The following APP variants were observed in gnomAD, a reference collection of about 807,000 sequenced individuals.
APP encodes the protein amyloid beta precursor protein, also known as amyloid-beta precursor protein.
In APP, 31 loss-of-function variants were observed where a neutral mutation model predicts 101.4. The observed-to-expected ratio is 0.31, with a 90% CI of 0.23 to 0.41. The LOEUF is 0.41. APP is among the 10% of genes least tolerant of loss of function. The pLI, the probability that APP is intolerant of heterozygous loss-of-function variation, is 1.00. For missense variants in APP, 839 were observed against 1,003.7 expected (o/e 0.84, Z 2.22); for synonymous variants, 366 against 364.4 (o/e 1.00, Z -0.05).
intron 16 of APP, among the ~76,000 whole-genome samples, chr21:25,893,458 G>C (rs1007188709): frequency 6.6e-6 from 1 of 152,198 alleles, no homozygotes; most frequent in African/African-American, 2.4e-5. Flanking sequence ...GCAAAGAAAA[G>C]CTCTTGAAGG....
chr21:25,928,681 C>A (rs368834220), intron 13 of APP: 4 of 151,526 alleles, frequency 2.6e-5, no homozygotes, highest in Non-Finnish European at 5.9e-5. Context: ...CATCATATGC[C>A]CATTAATGTG....
chr21:26,105,780 C>T (rs754133547), intron 2 of APP, among the ~76,000 whole-genome samples: 13 of 152,136 alleles, frequency 8.5e-5, no homozygotes, highest in Non-Finnish European at 5.9e-5. Flanking sequence ...CAATACTCCC[C>T]AAAAAGCCAC....
intron 8 of APP, among the ~76,000 whole-genome samples, chr21:25,996,096 C>T (rs1225528652): frequency 6.6e-6 from 1 of 152,072 alleles, no homozygotes; most frequent in African/African-American, 2.4e-5. Flanking sequence ...GGATGGAATC[C>T]AAATTCAAAT....
chr21:26,006,959 A>G (rs1224928550), intron 6 of APP, among the ~76,000 whole-genome samples: 1 of 152,198 alleles, frequency 6.6e-6, no homozygotes, highest in Admixed American at 6.5e-5. Flanking sequence ...TGTGAAATAA[A>G]ACTATATTCC....
chr21:26,160,970 A>G (rs982578871), intron 1 of APP, among the ~76,000 whole-genome samples: 1 of 152,236 alleles, frequency 6.6e-6, no homozygotes, highest in Admixed American at 6.5e-5. Context: ...AAAAAAAAGA[A>G]TCTTATTTAA....
At chr21:26,165,877 T>C (rs2063597181) in intron 1 of APP, among the ~76,000 whole-genome samples, 1 of 152,196 alleles carries the variant, frequency 6.6e-6, no homozygotes, top group African/African-American at 2.4e-5. Flanking sequence ...AGCATCCCTG[T>C]TTCATAAAGC....
chr21:26,171,068 C>CT (rs2063735952), upstream of APP: 1 of 155,856 alleles, frequency 6.4e-6, no homozygotes. Context: ...TCCTAGGACG[C>CT]TGAGGCTCTA....
chr21:25,939,850 G>C (rs2040501979), intron 13 of APP, among the ~76,000 whole-genome samples: 1 of 151,838 alleles, frequency 6.6e-6, no homozygotes, highest in Non-Finnish European at 1.5e-5. Flanking sequence ...AGAATTTCTA[G>C]ACTTTATTTT....
chr21:25,956,200 C>G (rs751434304), intron 11 of APP, among the ~76,000 whole-genome samples: 5 of 152,114 alleles, frequency 3.3e-5, no homozygotes, highest in Non-Finnish European at 7.4e-5. Flanking sequence ...CATACGAAAT[C>G]AAAATGAGAA....
intron 6 of APP, among the ~76,000 whole-genome samples, chr21:26,017,422 AAAAAAAT>A (rs1269741031): frequency 1.3e-5 from 2 of 150,750 alleles, no homozygotes; most frequent in African/African-American, 2.4e-5. Flanking sequence ...AAAAAAAAAA[AAAAAAAT>A]TTAAATTACA....
intron 2 of APP, among the ~76,000 whole-genome samples, chr21:26,097,117 G>T (rs1395948869): frequency 3.3e-5 from 5 of 152,136 alleles, no homozygotes; most frequent in Non-Finnish European, 7.4e-5. Flanking sequence ...CAAGAAAAAG[G>T]CCCGGCTTGC....
rs2036982682 is a variant in APP at position 25,881,537 on chromosome 21, A to G, written c.*133T>C. 10 of 957,406 alleles carry G rather than the reference A, an allele frequency of 1.0e-5. No homozygotes were observed. Among genetic ancestry groups the G allele is most frequent in the African/African-American group, 3.2e-5 (2 of 62,408 alleles). The allele number at this position is 957,406 out of a possible 1,614,324, so 59.3% of individuals were successfully genotyped here. A position where few individuals can be genotyped will look rare whatever the true frequency, so the allele number is the denominator to read the frequency against. On this transcript the variant is annotated 3_prime_UTR_variant, in exon 18 of 18. Transcript: ENST00000346798. ...CAGGCATCTACTTGTGTTACAGCAC[A>G]GCTGTCAAAAGGCGATAATGAGTAA...
At chr21:26,090,845 G>A (rs1001752878) in intron 2 of APP, among the ~76,000 whole-genome samples, 3 of 152,064 alleles carry the variant, frequency 2.0e-5, no homozygotes, top group Non-Finnish European at 2.9e-5. Flanking sequence ...ATAACTTATC[G>A]AAAAGTTATC....
At position 25,959,278 on chromosome 21, in the gene APP, C is replaced by A. The variant is rs571489076; in HGVS notation, c.1459-3523G>T. Among the ~76,000 whole-genome samples, 13 of 152,194 alleles carry A rather than the reference C, an allele frequency of 8.5e-5. No individual in the cohort carries two copies. The South Asian group carries it at 2.7e-3, about 32-fold the overall frequency. On this transcript the variant is annotated intron_variant, in intron 11 of 17. Transcript: ENST00000346798. ...TGAAACCCCATCTCTACTAAAAATA[C>A]AAAAATTAGCAAGGCATGGTGGTGG...
chr21:26,028,557 A>C lies in APP; in HGVS notation c.663-6515T>G, dbSNP rs115384945. ...GTGAGGAAGGGTAAACTGCAGAGAC[A>C]CGGGGATTCAGGTATTTTTTTTCTT... On this transcript the variant is annotated intron_variant, in intron 5 of 17. Transcript: ENST00000346798. Among the ~76,000 whole-genome samples, 14 of 152,310 alleles carry C rather than the reference A, an allele frequency of 9.2e-5. 1 individual carries two copies. The South Asian group carries it at 2.9e-3, about 32-fold the overall frequency.
At chr21:26,018,136 A>AT in intron 6 of APP, among the ~76,000 whole-genome samples, 1 of 152,098 alleles carries the variant, frequency 6.6e-6, no homozygotes, top group East Asian at 1.9e-4. Context: ...AAAGTGTCTT[A>AT]TTTTTCTTCC....
rs1406723066 is a variant in APP, at chr21:25,921,646, G to A, written c.1688-9684C>T. ...TCTAGAAGAAATGGATACATTCCTC[G>A]ACACATACACTCTCCCAAGACTAAA... is the stretch of plus-strand genomic sequence containing the variant. On this transcript the variant is annotated intron_variant, in intron 13 of 17. Coordinates refer to ENST00000346798, the MANE Select transcript of APP (RefSeq NM_000484.4). Among the ~76,000 whole-genome samples, 8 of 107,838 alleles carry A rather than the reference G, an allele frequency of 7.4e-5. No homozygotes were observed. In the East Asian group the frequency reaches 1.5e-3, roughly 20 times the overall value. The allele number at this position is 107,838 out of a possible 152,430, so 70.7% of individuals were successfully genotyped here.
intron 8 of APP, among the ~76,000 whole-genome samples, chr21:25,992,194 C>T (rs1445250267): frequency 6.6e-6 from 1 of 152,118 alleles, no homozygotes; most frequent in Non-Finnish European, 1.5e-5. Context: ...ACCAGCCTGG[C>T]CAACATGGTG....
rs578083594 is a variant in APP at position 25,993,893 on chromosome 21, C to T, written c.1090+3467G>A. On this transcript the variant is annotated intron_variant, in intron 8 of 17. Coordinates refer to ENST00000346798, the MANE Select transcript of APP (RefSeq NM_000484.4). Reference sequence around the variant, plus strand: ...AACACCCATATGCCTAGGACAGACTCCTAAAAATTAATTATTTGAATCAAA... The same window carrying T: ...AACACCCATATGCCTAGGACAGACTTCTAAAAATTAATTATTTGAATCAAA... 2.9e-4 allele frequency among the ~76,000 whole-genome samples: 44 copies of T among 152,218 alleles called. 2 individuals carry two copies. In the South Asian group the frequency reaches 7.7e-3, roughly 27 times the overall value.
Sources: gnomAD v4.1 joint callset for allele counts (sites outside exome capture counted in the v4.1 genomes callset) on GRCh38, gnomAD v4.1.1 for gene constraint, MANE v1.5 for transcripts, NCBI Gene and HGNC (gene_info 2026-07-23, HGNC 2026-07-21) for gene names.